NME7: variants seen among roughly 807,000 people sequenced by gnomAD.
NME7 encodes the protein NME/NM23 family member 7.
NME7 carries 41 observed loss-of-function variants against 49.1 expected under a neutral mutation model. The observed-to-expected ratio is 0.83, with a 90% confidence interval of 0.65 to 1.08. The LOEUF (loss-of-function observed/expected upper bound fraction) is 1.08, where lower values mean the gene tolerates loss of function less well. NME7 is among the 50% of genes least tolerant of loss of function. NME7 has a pLI of 0.00. For synonymous variants in NME7, 139 were observed against 150.6 expected (o/e 0.92, Z 0.56); for missense variants, 423 against 463.4 (o/e 0.91, Z 0.80).
In NME7 at chr1:169,257,705, AT is replaced by A. The variant is rs1649013384; in HGVS notation, c.755-20019del. Among the ~76,000 whole-genome samples, 2 of 133,918 alleles carry A rather than the reference AT, an allele frequency of 1.5e-5. 1 individual carries two copies. The highest frequency in any genetic ancestry group is 5.1e-5 in the African/African-American group (2 of 39,586). The allele number at this position is 133,918 out of a possible 152,430, so 87.9% of individuals were successfully genotyped here. On this transcript the variant is annotated intron_variant, in intron 7 of 11. Coordinates refer to ENST00000367811, the MANE Select transcript of NME7 (RefSeq NM_013330.5). Reference sequence around the variant, plus strand: ...TTTAAAGTTTAAAACTCCTTTTAGCATTTTCAATAGAGCTGGTCTAGTAGTA... The same window carrying A: ...TTTAAAGTTTAAAACTCCTTTTAGCATTTCAATAGAGCTGGTCTAGTAGTA...
chr1:169,217,053 T>C (rs919519999), intron 10 of NME7, among the ~76,000 whole-genome samples: 3 of 152,232 alleles, frequency 2.0e-5, no homozygotes, highest in African/African-American at 2.4e-5. Context: ...CAAATCATCA[T>C]TTGTACACCT....
At position 169,310,052 on chromosome 1, in the gene NME7, T is replaced by C. The variant is rs759633701; in HGVS notation, c.307A>G (p.Ile103Val). 13 of 1,607,858 alleles carry C rather than the reference T, an allele frequency of 8.1e-6. No individual in the cohort carries two copies. In the Admixed American group the frequency reaches 1.4e-4, roughly 17 times the overall value. ...KTLALIKPDAISKAGEIIEII... is the reference protein window; with the variant it reads ...KTLALIKPDAVSKAGEIIEII... ...TCAATTATTTCTCCAGCCTTTGATA[T>C]TGCATCTGGTTTAATTAGGGCTAGC... Residue 103 changes from isoleucine to valine, a missense_variant, in exon 4 of 12, where the codon ATA becomes GTA. Coordinates refer to ENST00000367811, the MANE Select transcript of NME7 (RefSeq NM_013330.5).
intron 11 of NME7, among the ~76,000 whole-genome samples, chr1:169,167,389 A>C (rs1659447006): frequency 6.6e-6 from 1 of 152,188 alleles, no homozygotes; most frequent in South Asian, 2.1e-4. Context: ...CACATAAAAC[A>C]TAATACTCAT....
chr1:169,255,343 T>C (rs1348624350), intron 7 of NME7, among the ~76,000 whole-genome samples: 1 of 130,816 alleles, frequency 7.6e-6, no homozygotes, highest in Non-Finnish European at 1.7e-5. Context: ...CTTTTGATCT[T>C]TGTTGGTTTA....
chr1:169,199,544 C>T (rs1467900075), intron 10 of NME7, among the ~76,000 whole-genome samples: 1 of 150,686 alleles, frequency 6.6e-6, no homozygotes, highest in Non-Finnish European at 1.5e-5. Flanking sequence ...GTCTCAAACT[C>T]CTGGGCTCAA....
intron 10 of NME7, among the ~76,000 whole-genome samples, chr1:169,207,074 G>C (rs957379817): frequency 6.6e-6 from 1 of 152,100 alleles, no homozygotes; most frequent in Non-Finnish European, 1.5e-5. Context: ...TGGTTCTGCA[G>C]GCTATACCAG....
At chr1:169,210,493 T>C (rs1303994081) in intron 10 of NME7, among the ~76,000 whole-genome samples, 2 of 152,134 alleles carry the variant, frequency 1.3e-5, no homozygotes, top group African/African-American at 2.4e-5. Flanking sequence ...GTTGGAACAT[T>C]GGTATTCATC....
intron 1 of NME7, among the ~76,000 whole-genome samples, chr1:169,335,114 T>A (rs1292344965): frequency 6.6e-6 from 1 of 152,204 alleles, no homozygotes; most frequent in Non-Finnish European, 1.5e-5. Context: ...TTGGTGGGAA[T>A]GTAAATTAGT....
intron 7 of NME7, among the ~76,000 whole-genome samples, chr1:169,274,504 C>T (rs985941890): frequency 7.5e-6 from 1 of 133,758 alleles, no homozygotes; most frequent in East Asian, 2.0e-4. Flanking sequence ...GCTTTTGTTG[C>T]CATTGCTTTT....
chr1:169,150,486 A>G (rs1393300002), intron 11 of NME7, among the ~76,000 whole-genome samples: 1 of 152,190 alleles, frequency 6.6e-6, no homozygotes, highest in African/African-American at 2.4e-5. Flanking sequence ...ATATATTAAC[A>G]TTACTGAAGA....
intron 11 of NME7, among the ~76,000 whole-genome samples, chr1:169,139,970 C>T (rs1658541909): frequency 6.6e-6 from 1 of 152,120 alleles, no homozygotes; most frequent in South Asian, 2.1e-4. Flanking sequence ...AAGGTCTGTA[C>T]CTTGATAATA....
intron 11 of NME7, among the ~76,000 whole-genome samples, chr1:169,165,265 C>A (rs554443356): frequency 1.3e-5 from 2 of 151,260 alleles, no homozygotes; most frequent in Admixed American, 1.3e-4. Context: ...CACAATCCAG[C>A]AAGTAAAACA....
rs1280671234 is a variant in NME7 at position 169,276,654 on chromosome 1, A to AT, written c.754+10648dup. The stretch of plus-strand genomic sequence containing the variant: ...AAAAAACCAGCTCCTGGATTCGTTG[A>AT]TTTTTTGAAGGGTTTTTTGGTCTCT... On this transcript the variant is annotated intron_variant, in intron 7 of 11. Coordinates refer to ENST00000367811, the MANE Select transcript of NME7 (RefSeq NM_013330.5). 3.0e-5 allele frequency among the ~76,000 whole-genome samples: 4 copies of AT among 132,264 alleles called. 1 individual carries two copies. The highest frequency in any genetic ancestry group is 7.1e-5 in the Non-Finnish European group (4 of 56,424). The allele number at this position is 132,264 out of a possible 152,430, so 86.8% of individuals were successfully genotyped here.
At chr1:169,251,547 C>CTTTTTTTTTTTTTTTTTT (rs36096137) in intron 7 of NME7, among the ~76,000 whole-genome samples, 7 of 123,986 alleles carry the variant, frequency 5.6e-5, no homozygotes, top group Admixed American at 8.0e-5. Flanking sequence ...ACTCTGGTTT[C>CTTTTTTTTTTTTTTTTTT]TTTTTTTTTT....
chr1:169,350,223 A>T (rs1333835805), intron 1 of NME7, among the ~76,000 whole-genome samples: 1 of 132,300 alleles, frequency 7.6e-6, no homozygotes, highest in Non-Finnish European at 1.6e-5. Context: ...GAAAGGGAGA[A>T]AAGAAAGAAA....
chr1:169,185,805 T>C (rs74737964), intron 10 of NME7, among the ~76,000 whole-genome samples: 2,236 of 152,284 alleles, frequency 0.015, 58 homozygotes, highest in African/African-American at 0.051. Context: ...AATTGTTCAA[T>C]TAATATTTAC....
intron 10 of NME7, among the ~76,000 whole-genome samples, chr1:169,210,989 C>T (rs189440591): frequency 8.4e-6 from 1 of 118,834 alleles, no homozygotes; most frequent in East Asian, 4.5e-4. Flanking sequence ...AGATCATAAG[C>T]TCTTTTTTTT....
intron 11 of NME7, among the ~76,000 whole-genome samples, chr1:169,159,039 CT>C (rs1557966789): frequency 1.3e-5 from 2 of 152,164 alleles, no homozygotes. Flanking sequence ...CATTTACTCA[CT>C]TCCTTTCTAA....
At chr1:169,166,204 T>C (rs1659408588) in intron 11 of NME7, among the ~76,000 whole-genome samples, 1 of 152,138 alleles carries the variant, frequency 6.6e-6, no homozygotes, top group Admixed American at 6.5e-5. Flanking sequence ...AAAGTCTCTA[T>C]TCAAACCTAG....
Sources: gnomAD v4.1 joint callset for allele counts (sites outside exome capture counted in the v4.1 genomes callset) on GRCh38, gnomAD v4.1.1 for gene constraint, MANE v1.5 for transcripts, NCBI Gene and HGNC (gene_info 2026-07-23, HGNC 2026-07-21) for gene names.